The following SLIT2 variants were observed in gnomAD, a reference collection of about 807,000 sequenced individuals.
SLIT2 encodes slit homolog 2 protein.
Under a neutral mutation model 185.7 loss-of-function variants are expected in SLIT2, and 41 were observed. The ratio of observed to expected loss-of-function variants is 0.22; its 90% CI spans 0.17 to 0.29. The LOEUF is 0.29. Ranked by LOEUF, SLIT2 falls within the 10% of genes least tolerant of loss-of-function variation. The pLI is 1.00. For missense variants in SLIT2, 1,571 were observed against 1,909.0 expected (o/e 0.82, Z 3.30); for synonymous variants, 693 against 680.2 (o/e 1.02, Z -0.29).
At chr4:20,586,413 A>G (rs894418179) in intron 29 of SLIT2, among the ~76,000 whole-genome samples, 3 of 152,232 alleles carry the variant, frequency 2.0e-5, no homozygotes, top group Admixed American at 6.5e-5. Flanking sequence ...TTTAATGACT[A>G]TTATTTGAGT....
chr4:20,342,465 C>G (rs73234462), intron 4 of SLIT2, among the ~76,000 whole-genome samples: 11,396 of 152,086 alleles, frequency 0.075, 570 homozygotes, highest in Non-Finnish European at 0.11. Context: ...CATACAGAAT[C>G]TCACATAGCT....
At chr4:20,506,066 C>T (rs969324422) in intron 9 of SLIT2, among the ~76,000 whole-genome samples, 7 of 151,748 alleles carry the variant, frequency 4.6e-5, no homozygotes, top group African/African-American at 1.7e-4. Context: ...TAGTAACAGC[C>T]ATTGCTTTGG....
intron 12 of SLIT2, among the ~76,000 whole-genome samples, chr4:20,521,841 A>G (rs1720869815): frequency 6.6e-6 from 1 of 152,040 alleles, no homozygotes; most frequent in Non-Finnish European, 1.5e-5. Flanking sequence ...ACCCATGTTA[A>G]CATAGAGATT....
intron 26 of SLIT2, among the ~76,000 whole-genome samples, chr4:20,554,985 G>A (rs953382453): frequency 4.6e-5 from 7 of 152,046 alleles, no homozygotes; most frequent in South Asian, 2.1e-4. Context: ...GGCCAGGCTG[G>A]TCTTGAACTC....
intron 21 of SLIT2, among the ~76,000 whole-genome samples, chr4:20,543,196 C>A (rs776584483): frequency 6.6e-6 from 1 of 152,008 alleles, no homozygotes; most frequent in Non-Finnish European, 1.5e-5. Context: ...CTTTTGGAGG[C>A]TTGAATCAAA....
intron 4 of SLIT2, among the ~76,000 whole-genome samples, chr4:20,453,248 A>G (rs1323005185): frequency 6.6e-6 from 1 of 152,200 alleles, no homozygotes; most frequent in Non-Finnish European, 1.5e-5. Context: ...GTATCTTAAA[A>G]TAGCTTAATG....
At chr4:20,575,667 T>C (rs190990478) in intron 29 of SLIT2, among the ~76,000 whole-genome samples, 1 of 152,312 alleles carries the variant, frequency 6.6e-6, no homozygotes, top group African/African-American at 2.4e-5. Flanking sequence ...TTCTCATTCA[T>C]GATTTATGCC....
Position 20,544,124 on chromosome 4 carries a change from G to A in SLIT2, c.2276+1498G>A, listed in dbSNP as rs562583117. Among the ~76,000 whole-genome samples the A allele has an allele frequency of 1.9e-3, 296 of 152,028 alleles. 2 individuals are homozygous for A. The highest frequency in any genetic ancestry group is 6.5e-3 in the African/African-American group (269 of 41,484). On this transcript the variant is annotated intron_variant, in intron 21 of 36. Transcript: ENST00000504154. ...ACCAGCATGGCACATGTATACATACGTAACAAACCTGCATGTTGTGCACAT... is the reference window on the plus strand; with the variant it reads ...ACCAGCATGGCACATGTATACATACATAACAAACCTGCATGTTGTGCACAT...
Position 20,595,770 on chromosome 4 carries a change from A to G in SLIT2, c.3256A>G (p.Lys1086Glu). The change falls in exon 31 of 37, where the codon AAA (lysine) becomes GAA (glutamate). Residue 1086 changes from lysine to glutamate, a missense_variant. By Grantham distance (56) the Lys-to-Glu change is moderately conservative (BLOSUM62 1). This residue lies in a region of SLIT2 where 1,202 missense variants were observed against 1,416.4 expected (regional missense o/e 0.85). Transcript: ENST00000504154. ...TGACGACTGCCAAGACAACAAGTGTAAAAACGGAGCCCACTGCACAGATGC... is the reference window on the plus strand; with the variant it reads ...TGACGACTGCCAAGACAACAAGTGTGAAAACGGAGCCCACTGCACAGATGC... ...DFDDCQDNKC[K>E]NGAHCTDAVN... 1.2e-6 allele frequency: 2 copies of G among 1,614,154 alleles called. No homozygotes were observed. The highest frequency in any genetic ancestry group is 4.5e-5 in the East Asian group (2 of 44,880).
intron 18 of SLIT2, among the ~76,000 whole-genome samples, chr4:20,534,356 G>A (rs1424489379): frequency 1.3e-5 from 2 of 152,106 alleles, no homozygotes; most frequent in Non-Finnish European, 1.5e-5. Flanking sequence ...ACTTGCTCAG[G>A]GGTAGGGTGT....
chr4:20,310,599 C>T (rs2109133424), intron 4 of SLIT2, among the ~76,000 whole-genome samples: 1 of 152,284 alleles, frequency 6.6e-6, no homozygotes, highest in Non-Finnish European at 1.5e-5. Flanking sequence ...TACATTGGTA[C>T]TAAATGGACT....
chr4:20,433,858 A>T (rs1363590103), intron 4 of SLIT2, among the ~76,000 whole-genome samples: 2 of 152,196 alleles, frequency 1.3e-5, no homozygotes, highest in Non-Finnish European at 2.9e-5. Context: ...TGAGTGATAC[A>T]TACGTTTAGA....
Position 20,488,978 on chromosome 4 carries a change from C to T in SLIT2, c.771C>T (p.Cys257=), listed in dbSNP as rs144289216. ...AGGTTCAAAAACGAGAATTTGTCTGCAGTGGTAAGGGAGAAGGAAGAGTGA... is the reference window on the plus strand; with the variant it reads ...AGGTTCAAAAACGAGAATTTGTCTGTAGTGGTAAGGGAGAAGGAAGAGTGA... ...VAEVQKREFV[C]SGHQSFMAPS... is the part of the protein sequence containing the mutation. Residue 257 remains cysteine, a synonymous_variant, in exon 8 of 37, where the codon TGC becomes TGT. Transcript: ENST00000504154. 5 of 1,609,692 alleles carry T rather than the reference C, an allele frequency of 3.1e-6. No homozygotes were observed. The highest frequency in any genetic ancestry group is 1.1e-5 in the South Asian group (1 of 90,662).
chr4:20,274,741 TG>T (rs1560274795), intron 4 of SLIT2, among the ~76,000 whole-genome samples: 1 of 131,950 alleles, frequency 7.6e-6, no homozygotes, highest in East Asian at 2.2e-4. Flanking sequence ...AAAGTTTCTG[TG>T]TTTTTTTTTT....
intron 4 of SLIT2, among the ~76,000 whole-genome samples, chr4:20,459,619 C>A (rs1395300509): frequency 6.6e-6 from 1 of 152,156 alleles, no homozygotes; most frequent in African/African-American, 2.4e-5. Flanking sequence ...GTTTCTGTCT[C>A]TGATCCGTTC....
At chr4:20,511,566 G>T (rs1439550993) in intron 11 of SLIT2, among the ~76,000 whole-genome samples, 1 of 126,732 alleles carries the variant, frequency 7.9e-6, no homozygotes, top group Non-Finnish European at 1.6e-5. Flanking sequence ...GACTACAGGC[G>T]CCTGCCACCA....
chr4:20,484,071 TTGATAAC>T lies in SLIT2; in HGVS notation c.540-2125_540-2119del, dbSNP rs1431423586. Among the ~76,000 whole-genome samples, 2 of 152,084 alleles carry T rather than the reference TTGATAAC, an allele frequency of 1.3e-5. No homozygotes were observed. Among genetic ancestry groups the T allele is most frequent in the African/African-American group, 4.8e-5 (2 of 41,426 alleles). On this transcript the variant is annotated intron_variant, in intron 6 of 36. Transcript: ENST00000504154. This position sits in a 1 kb window ranked among gnomAD's most constrained non-coding sequence, Gnocchi z 4.3. ...TAACATTTTGAGAAAAGACTTCAAA[TTGATAAC>T]TGAAGTTTTTGGCATTCAATGAAAG...
At chr4:20,375,592 A>C (rs560991112) in intron 4 of SLIT2, among the ~76,000 whole-genome samples, 4 of 152,212 alleles carry the variant, frequency 2.6e-5, no homozygotes, top group Admixed American at 1.3e-4. Context: ...ATTTATGGCA[A>C]ACCATTTAAT....
At chr4:20,608,083 A>G (rs749843290) in intron 33 of SLIT2, among the ~76,000 whole-genome samples, 2 of 152,132 alleles carry the variant, frequency 1.3e-5, no homozygotes, top group Non-Finnish European at 2.9e-5. Context: ...TATTTGTATC[A>G]TGATGATCGT....
Sources: allele counts gnomAD v4.1 joint callset (sites outside exome capture counted in the v4.1 genomes callset), GRCh38; gene constraint gnomAD v4.1.1; regional missense constraint gnomAD v4.1.1; non-coding constraint Gnocchi (gnomAD v3.1); transcripts MANE v1.5; gene names NCBI Gene and HGNC (gene_info 2026-07-23, HGNC 2026-07-21).